Variants in CDKAL1 observed in about 807,000 individuals in gnomAD.
The protein encoded by CDKAL1 is threonylcarbamoyladenosine tRNA methylthiotransferase.
In CDKAL1, 32 loss-of-function variants were observed where a neutral mutation model predicts 68.2. The ratio of observed to expected loss-of-function variants is 0.47; its 90% confidence interval spans 0.35 to 0.63. The LOEUF is 0.63. Ranked by LOEUF, CDKAL1 falls within the 30% of genes least tolerant of loss-of-function variation. CDKAL1 has a pLI of 0.00. For synonymous variants in CDKAL1, 234 were observed against 244.3 expected (o/e 0.96, Z 0.39); for missense variants, 606 against 696.7 (o/e 0.87, Z 1.47).
intron 9 of CDKAL1, among the ~76,000 whole-genome samples, chr6:20,887,037 AAAAG>A (rs777438110): frequency 3.3e-5 from 5 of 152,246 alleles, no homozygotes; most frequent in South Asian, 2.1e-4. Context: ...GATACTTCAA[AAAAG>A]AAGATATGAA....
At position 20,650,017 on chromosome 6, in the gene CDKAL1, A is replaced by T. The variant is rs138897428; in HGVS notation, c.371+640A>T. 9.6e-3 allele frequency among the ~76,000 whole-genome samples: 1,459 copies of T among 152,306 alleles called. 23 individuals carry two copies. The highest frequency in any genetic ancestry group is 0.032 in the African/African-American group (1,334 of 41,554). ...CTTTGCTATTGTGAATAGTGCTGCA[A>T]TGAACATATGTGTGCATGTATCTTT... On this transcript the variant is annotated intron_variant, in intron 5 of 15. Coordinates refer to ENST00000274695, the MANE Select transcript of CDKAL1 (RefSeq NM_017774.3).
intron 9 of CDKAL1, among the ~76,000 whole-genome samples, chr6:20,950,653 G>A (rs1457255376): frequency 1.3e-5 from 2 of 152,134 alleles, no homozygotes; most frequent in Non-Finnish European, 2.9e-5. Context: ...AAAAACAAAG[G>A]ATAGGAATGG....
intron 13 of CDKAL1, among the ~76,000 whole-genome samples, chr6:21,151,316 C>T (rs112588176): frequency 2.1e-4 from 32 of 152,332 alleles, no homozygotes; most frequent in African/African-American, 7.0e-4. Context: ...CCCTCTCCGA[C>T]CCAGCCTCAG....
chr6:20,555,816 G>A (rs1387847467), intron 4 of CDKAL1, among the ~76,000 whole-genome samples: 1 of 151,220 alleles, frequency 6.6e-6, no homozygotes, highest in African/African-American at 2.4e-5. Context: ...TAGAGACGGG[G>A]TTTCACTGTG....
intron 11 of CDKAL1, among the ~76,000 whole-genome samples, chr6:21,017,676 G>A (rs1195366242): frequency 6.6e-6 from 1 of 151,856 alleles, no homozygotes; most frequent in Non-Finnish European, 1.5e-5. Context: ...AATTCTTTAC[G>A]GCTGACTCCG....
intron 13 of CDKAL1, among the ~76,000 whole-genome samples, chr6:21,163,826 C>G (rs1777028069): frequency 6.6e-6 from 1 of 152,132 alleles, no homozygotes; most frequent in South Asian, 2.1e-4. Context: ...GTGGTGCATC[C>G]TGTAATCTCA....
intron 12 of CDKAL1, among the ~76,000 whole-genome samples, chr6:21,089,566 A>G (rs1410132940): frequency 6.6e-6 from 1 of 152,042 alleles, no homozygotes; most frequent in Admixed American, 6.5e-5. Context: ...TTGGCCAGCA[A>G]AGCTCTCTCT....
intron 10 of CDKAL1, among the ~76,000 whole-genome samples, chr6:20,988,182 A>ATATGTG (rs3223730): frequency 4.4e-5 from 6 of 137,388 alleles, no homozygotes; most frequent in African/African-American, 1.6e-4. Context: ...GAAACATAAT[A>ATATGTG]TGTGTGTGTG....
intron 13 of CDKAL1, among the ~76,000 whole-genome samples, chr6:21,170,591 G>A (rs1777342529): frequency 6.6e-6 from 1 of 152,058 alleles, no homozygotes; most frequent in African/African-American, 2.4e-5. Flanking sequence ...GCCTCCCAAA[G>A]TGCTGGGATT....
chr6:20,698,838 A>G (rs1446214856), intron 5 of CDKAL1, among the ~76,000 whole-genome samples: 1 of 152,178 alleles, frequency 6.6e-6, no homozygotes, highest in Non-Finnish European at 1.5e-5. Flanking sequence ...AATCATTTAT[A>G]TTTATCTGGG....
At chr6:20,564,837 C>G (rs550534072) in intron 4 of CDKAL1, among the ~76,000 whole-genome samples, 59 of 152,246 alleles carry the variant, frequency 3.9e-4, no homozygotes, top group African/African-American at 1.3e-3. Context: ...CTTAAAAGTA[C>G]CTTTGAAAAT....
At chr6:20,790,644 G>A (rs969974297) in intron 8 of CDKAL1, among the ~76,000 whole-genome samples, 2 of 152,154 alleles carry the variant, frequency 1.3e-5, no homozygotes, top group Admixed American at 6.5e-5. Flanking sequence ...TATAGCATTC[G>A]GTGGTTCCCA....
intron 9 of CDKAL1, among the ~76,000 whole-genome samples, chr6:20,954,488 T>C (rs1764684709): frequency 6.6e-6 from 1 of 152,246 alleles, no homozygotes; most frequent in Non-Finnish European, 1.5e-5. Flanking sequence ...CACTTGAGCG[T>C]GAGCAAATTT....
At chr6:20,843,156 A>G (rs958190463) in intron 8 of CDKAL1, among the ~76,000 whole-genome samples, 2 of 152,048 alleles carry the variant, frequency 1.3e-5, no homozygotes, top group African/African-American at 4.8e-5. Context: ...GGACATGATA[A>G]TGCATAATTA....
At chr6:20,594,304 A>G (rs901295545) in intron 4 of CDKAL1, among the ~76,000 whole-genome samples, 8 of 152,094 alleles carry the variant, frequency 5.3e-5, no homozygotes, top group African/African-American at 1.7e-4. Flanking sequence ...TTATTGTGTG[A>G]GAGTGTAAAT....
intron 9 of CDKAL1, among the ~76,000 whole-genome samples, chr6:20,866,184 C>T (rs1300475420): frequency 1.3e-5 from 2 of 152,094 alleles, no homozygotes; most frequent in African/African-American, 4.8e-5. Context: ...ACAGATTGAA[C>T]CCAAACAGCA....
chr6:21,054,871 T>A (rs1384206246), intron 11 of CDKAL1, among the ~76,000 whole-genome samples: 1 of 151,998 alleles, frequency 6.6e-6, no homozygotes, highest in Non-Finnish European at 1.5e-5. Flanking sequence ...TTCTTTAGAT[T>A]TTCTACATAC....
At chr6:20,979,694 A>G (rs1193957903) in intron 10 of CDKAL1, among the ~76,000 whole-genome samples, 1 of 151,726 alleles carries the variant, frequency 6.6e-6, no homozygotes, top group African/African-American at 2.4e-5. Flanking sequence ...GCTGAGTGGT[A>G]TTGACACTTT....
At chr6:20,832,893 A>G (rs1035550203) in intron 8 of CDKAL1, among the ~76,000 whole-genome samples, 12 of 152,178 alleles carry the variant, frequency 7.9e-5, no homozygotes, top group Non-Finnish European at 1.6e-4. Context: ...TTTCTTGGCT[A>G]TATCTCCTCT....
Sources: allele counts gnomAD v4.1 joint callset (sites outside exome capture counted in the v4.1 genomes callset), GRCh38; gene constraint gnomAD v4.1.1; transcripts MANE v1.5; gene names NCBI Gene and HGNC (gene_info 2026-07-23, HGNC 2026-07-21).